KAT2B: variants seen among roughly 807,000 people sequenced by gnomAD.
KAT2B encodes the protein histone acetyltransferase KAT2B.
In KAT2B, 36 loss-of-function variants were observed where a neutral mutation model predicts 105.9. That is an observed-to-expected ratio of 0.34 (90% confidence interval 0.26 to 0.45). The LOEUF (loss-of-function observed/expected upper bound fraction) is 0.45. Among genes scored for constraint, KAT2B ranks in the 20% least tolerant of loss-of-function variants. The pLI, the probability that KAT2B is intolerant of heterozygous loss-of-function variation, is 1.00. For synonymous variants in KAT2B, 397 were observed against 377.9 expected, an observed-to-expected ratio of 1.05 and a Z score of -0.59; for missense variants, 820 against 1,021.6, an observed-to-expected ratio of 0.80 and a Z score of 2.69.
intron 1 of KAT2B, among the ~76,000 whole-genome samples, chr3:20,069,367 C>G (rs1698278116): frequency 1.3e-5 from 2 of 152,102 alleles, no homozygotes; most frequent in Admixed American, 1.3e-4. Flanking sequence ...GTAGATTCCC[C>G]TGGTACCCTA....
At chr3:20,045,626 A>G (rs542385141) in intron 1 of KAT2B, among the ~76,000 whole-genome samples, 11 of 152,220 alleles carry the variant, frequency 7.2e-5, no homozygotes, top group Non-Finnish European at 1.3e-4. Flanking sequence ...AAAGAGAAAC[A>G]AAACCCATTG....
chr3:20,052,309 T>G (rs1342014792), intron 1 of KAT2B, among the ~76,000 whole-genome samples: 1 of 152,240 alleles, frequency 6.6e-6, no homozygotes, highest in South Asian at 2.1e-4. Context: ...CCTATCTGTT[T>G]TCCTTATGAC....
chr3:20,043,672 T>C (rs959206901), intron 1 of KAT2B, among the ~76,000 whole-genome samples: 1 of 151,824 alleles, frequency 6.6e-6, no homozygotes, highest in Admixed American at 6.6e-5. Context: ...AAGAGGGCAC[T>C]GAGGAGTGCA....
chr3:20,062,417 AT>A (rs199977594), intron 1 of KAT2B, among the ~76,000 whole-genome samples: 20,694 of 112,784 alleles, frequency 0.18, 2,402 homozygotes, highest in Non-Finnish European at 0.25. Context: ...TATATTATAT[AT>A]TATTATATAT....
intron 11 of KAT2B, among the ~76,000 whole-genome samples, chr3:20,131,896 A>C (rs1175267077): frequency 6.6e-6 from 1 of 152,226 alleles, no homozygotes; most frequent in Non-Finnish European, 1.5e-5. Context: ...TATTTACTAT[A>C]TTAAAAATCT....
At chr3:20,054,544 A>G (rs1179026021) in intron 1 of KAT2B, among the ~76,000 whole-genome samples, 1 of 152,216 alleles carries the variant, frequency 6.6e-6, no homozygotes, top group Non-Finnish European at 1.5e-5. Context: ...GGCAAGTTGT[A>G]TGGGGTTGCT....
intron 4 of KAT2B, 85 bp downstream of exon 4, chr3:20,100,039 T>G (rs1698882411): frequency 1.4e-6 from 1 of 730,114 alleles, no homozygotes; most frequent in African/African-American, 1.8e-5. Context: ...TATCTACGGC[T>G]TCCCTCCTCC....
chr3:20,062,205 T>A, intron 1 of KAT2B, among the ~76,000 whole-genome samples: 2 of 71,516 alleles, frequency 2.8e-5, no homozygotes, highest in South Asian at 7.9e-4. Context: ...ATATATTTTA[T>A]ATAAAATATA....
chr3:20,132,074 G>C (rs564241660), intron 11 of KAT2B, among the ~76,000 whole-genome samples: 1 of 152,254 alleles, frequency 6.6e-6, no homozygotes, highest in East Asian at 1.9e-4. Context: ...GGAATATCCT[G>C]TAATCTAAAA....
At chr3:20,116,879 G>A (rs1419918668) in intron 7 of KAT2B, among the ~76,000 whole-genome samples, 7 of 152,126 alleles carry the variant, frequency 4.6e-5, no homozygotes, top group African/African-American at 9.7e-5. Flanking sequence ...TTTCACATCC[G>A]TATCTAATTC....
At chr3:20,094,689 A>G (rs1698779248) in intron 2 of KAT2B, among the ~76,000 whole-genome samples, 1 of 152,178 alleles carries the variant, frequency 6.6e-6, no homozygotes, top group Non-Finnish European at 1.5e-5. Flanking sequence ...AAGCTAAAAT[A>G]GGCCGTGGGG....
At position 20,122,737 on chromosome 3, in the gene KAT2B, T is replaced by C; in HGVS notation, c.1346T>C (p.Ile449Thr). 1 of 1,614,088 alleles carries C rather than the reference T, an allele frequency of 6.2e-7. No homozygotes were observed. Among genetic ancestry groups the C allele is most frequent in the Non-Finnish European group, 8.5e-7 (1 of 1,179,946 alleles). Residue 449 changes from isoleucine to threonine, a missense_variant, in exon 9 of 18, where the codon ATT (isoleucine) becomes ACT (threonine). Transcript: ENST00000263754. Reference protein sequence around the residue: ...EAKKPRVMGDIPMELINEVMS... With the variant: ...EAKKPRVMGDTPMELINEVMS... ...AAGAAACCCCGAGTTATGGGGGATA[T>C]TCCGATGGAATTAATCAACGAGGTT...
intron 11 of KAT2B, among the ~76,000 whole-genome samples, chr3:20,134,367 T>G (rs1699563680): frequency 6.6e-6 from 1 of 152,214 alleles, no homozygotes; most frequent in Non-Finnish European, 1.5e-5. Flanking sequence ...TTGATTATGG[T>G]CTTTTTCACT....
At chr3:20,094,399 T>G (rs965413330) in intron 2 of KAT2B, among the ~76,000 whole-genome samples, 5 of 152,020 alleles carry the variant, frequency 3.3e-5, no homozygotes, top group African/African-American at 1.2e-4. Flanking sequence ...CCTTGACATG[T>G]GGGGATTGCA....
At chr3:20,137,883 T>A (rs1699629932) in intron 12 of KAT2B, among the ~76,000 whole-genome samples, 1 of 152,192 alleles carries the variant, frequency 6.6e-6, no homozygotes, top group Non-Finnish European at 1.5e-5. Context: ...GGCTTATGCC[T>A]GTAATCCTAG....
At chr3:20,133,549 A>C (rs990317776) in intron 11 of KAT2B, among the ~76,000 whole-genome samples, 3 of 152,172 alleles carry the variant, frequency 2.0e-5, no homozygotes, top group Non-Finnish European at 4.4e-5. Flanking sequence ...GATGCACCAT[A>C]ATTTATGTAA....
intron 2 of KAT2B, among the ~76,000 whole-genome samples, chr3:20,078,122 TG>T (rs1698451722): frequency 6.6e-6 from 1 of 152,026 alleles, no homozygotes; most frequent in Non-Finnish European, 1.5e-5. Context: ...GAGGTTTCAG[TG>T]GGCCGAGATC....
intron 11 of KAT2B, among the ~76,000 whole-genome samples, chr3:20,134,769 C>G: frequency 6.6e-6 from 1 of 152,104 alleles, no homozygotes; most frequent in East Asian, 1.9e-4. Context: ...TGCTGCATAA[C>G]AGGAATGTAA....
intron 2 of KAT2B, among the ~76,000 whole-genome samples, chr3:20,082,808 G>C (rs1357379656): frequency 1.3e-5 from 2 of 152,114 alleles, no homozygotes; most frequent in African/African-American, 4.8e-5. Flanking sequence ...GTAAGCATTT[G>C]CAATGAGTAT....
Sources: gnomAD v4.1 joint callset for allele counts (sites outside exome capture counted in the v4.1 genomes callset) on GRCh38, gnomAD v4.1.1 for gene constraint, MANE v1.5 for transcripts, NCBI Gene and HGNC (gene_info 2026-07-23, HGNC 2026-07-21) for gene names.